The following CLASP1 variants were observed in gnomAD, a reference collection of about 807,000 sequenced individuals.
CLASP1 encodes CLIP-associating protein 1.
In CLASP1, 38 loss-of-function variants were observed where a neutral mutation model predicts 192.3. The observed-to-expected ratio is 0.20, with a 90% confidence interval of 0.15 to 0.26. CLASP1 has a LOEUF of 0.26. Ranked by LOEUF, CLASP1 falls within the 10% of genes least tolerant of loss-of-function variation. CLASP1 has a pLI of 1.00. For synonymous variants in CLASP1, 691 were observed against 712.8 expected (o/e 0.97, Z 0.49); for missense variants, 1,433 against 1,932.5 (o/e 0.74, Z 4.85).
chr2:121,594,357 T>A (rs1313145388), intron 2 of CLASP1, among the ~76,000 whole-genome samples: 28 of 151,696 alleles, frequency 1.8e-4, no homozygotes, highest in Admixed American at 1.8e-3. Context: ...ACAGGTGAAA[T>A]TTGAGTATGT....
At chr2:121,419,793 T>C (rs1390532670) in intron 22 of CLASP1, among the ~76,000 whole-genome samples, 1 of 152,158 alleles carries the variant, frequency 6.6e-6, no homozygotes, top group Non-Finnish European at 1.5e-5. Context: ...CCTAATGTAA[T>C]AGCTGATGGG....
Position 121,530,962 on chromosome 2 carries a change from G to T in CLASP1, c.196-637C>A, listed in dbSNP as rs187757075. 1.3e-5 allele frequency: 9 copies of T among 700,262 alleles called. No homozygotes were observed. The highest frequency in any genetic ancestry group is 5.2e-5 in the African/African-American group (3 of 57,174). The allele number at this position is 700,262 out of a possible 1,614,324, so 43.4% of individuals were successfully genotyped here. A position where few individuals can be genotyped will look rare whatever the true frequency, so the allele number is the denominator to read the frequency against. On this transcript the variant is annotated intron_variant, in intron 2 of 39. Coordinates refer to ENST00000263710, the Ensembl canonical transcript of CLASP1. ...CTGCTAACGCCTGAACAACACACCC[G>T]CATCAACTAGAGCTTTTGCTTTATT...
chr2:121,592,733 G>T (rs866911069), intron 2 of CLASP1, among the ~76,000 whole-genome samples: 1 of 152,018 alleles, frequency 6.6e-6, no homozygotes, highest in South Asian at 2.1e-4. Flanking sequence ...CTCACTGCAG[G>T]CTCTGCCCCC....
intron 19 of CLASP1, among the ~76,000 whole-genome samples, chr2:121,437,789 C>T (rs1312622364): frequency 1.3e-5 from 2 of 152,172 alleles, no homozygotes; most frequent in Non-Finnish European, 2.9e-5. Context: ...ATCAAATGCC[C>T]AAGGACCCCA....
intron 2 of CLASP1, chr2:121,532,440 C>T (rs1406095180): frequency 1.3e-5 from 2 of 152,180 alleles, no homozygotes; most frequent in Non-Finnish European, 2.9e-5. Context: ...CAACCTCAGC[C>T]AGATGGTGGA....
intron 2 of CLASP1, among the ~76,000 whole-genome samples, chr2:121,546,563 G>C (rs563738234): frequency 2.6e-4 from 40 of 152,002 alleles, no homozygotes; most frequent in African/African-American, 9.2e-4. Context: ...AGTGAATATG[G>C]GACCCCGGGA....
intron 1 of CLASP1, among the ~76,000 whole-genome samples, chr2:121,620,482 T>C (rs956188114): frequency 2.0e-5 from 3 of 152,128 alleles, no homozygotes; most frequent in Admixed American, 1.3e-4. Context: ...TCCAAGTAGC[T>C]GGGACTACAG....
At chr2:121,460,164 T>C in intron 11 of CLASP1, 39 bp from the exon 12 acceptor site, 1 of 1,540,130 alleles carries the variant, frequency 6.5e-7, no homozygotes, top group Non-Finnish European at 8.9e-7. Flanking sequence ...TAGAAAACAA[T>C]TCTAACACAG....
At position 121,643,771 on chromosome 2, in the gene CLASP1, T is replaced by C. The variant is rs369250142; in HGVS notation, c.-286+5601A>G. Among the ~76,000 whole-genome samples the C allele has an allele frequency of 1.8e-4, 28 of 152,302 alleles. No homozygotes were observed. In the East Asian group the frequency reaches 2.3e-3, roughly 13 times the overall value. ...TGAATCTTTTAGGAACATCTATTCATCTATTACTTGGGGAATTTTAAAATT... is the reference window on the plus strand; with the variant it reads ...TGAATCTTTTAGGAACATCTATTCACCTATTACTTGGGGAATTTTAAAATT... On this transcript the variant is annotated intron_variant, in intron 1 of 39. Coordinates refer to ENST00000263710, the Ensembl canonical transcript of CLASP1.
intron 37 of CLASP1, among the ~76,000 whole-genome samples, chr2:121,357,647 C>T (rs2065658803): frequency 6.6e-6 from 1 of 152,186 alleles, no homozygotes; most frequent in African/African-American, 2.4e-5. Context: ...GAACTACTCC[C>T]CTACCTATGA....
intron 8 of CLASP1, among the ~76,000 whole-genome samples, chr2:121,472,259 A>G (rs2090880200): frequency 2.0e-5 from 3 of 152,242 alleles, no homozygotes; most frequent in South Asian, 4.1e-4. Context: ...ACCAATTTCA[A>G]TGGAATTCCT....
In CLASP1 at chr2:121,401,620, T is replaced by C. The variant is rs774043184; in HGVS notation, c.2789A>G (p.Asp930Gly). 63 of 1,612,500 alleles carry C rather than the reference T, an allele frequency of 3.9e-5. No individual in the cohort carries two copies. The Middle Eastern group carries it at 4.9e-4, about 13-fold the overall frequency. Residue 930 changes from aspartate (D) to glycine (G), a missense_variant, in exon 28 of 40, where the codon GAT becomes GGT. Coordinates refer to ENST00000263710, the Ensembl canonical transcript of CLASP1. Reference sequence around the variant, plus strand: ...AACAAAAAGCCAGTCTTGTAAATCATCCTTATGAATTATTATAAAATCCAC... The same window carrying C: ...AACAAAAAGCCAGTCTTGTAAATCACCCTTATGAATTATTATAAAATCCAC...
chr2:121,493,341 C>T (rs1365938897), intron 8 of CLASP1, among the ~76,000 whole-genome samples: 1 of 152,138 alleles, frequency 6.6e-6, no homozygotes, highest in African/African-American at 2.4e-5. Flanking sequence ...AATAAATCCA[C>T]ACATCTACAG....
At chr2:121,529,605 G>T (rs1335171034) in intron 3 of CLASP1, among the ~76,000 whole-genome samples, 1 of 152,170 alleles carries the variant, frequency 6.6e-6, no homozygotes. Flanking sequence ...ATGAAACACC[G>T]GAGGTCAGGA....
chr2:121,633,304 T>C (rs2070158460), intron 1 of CLASP1, among the ~76,000 whole-genome samples: 2 of 152,280 alleles, frequency 1.3e-5, no homozygotes, highest in African/African-American at 4.8e-5. Flanking sequence ...ATCCCCCAGA[T>C]ACCTTCTTAA....
At chr2:121,450,811 C>T (rs1033465447) in intron 16 of CLASP1, 102 bp downstream of exon 16, 3 of 783,930 alleles carry the variant, frequency 3.8e-6, no homozygotes, top group Admixed American at 2.6e-5. Flanking sequence ...TCATGGTTAA[C>T]AAATATGTTC....
intron 32 of CLASP1, 49 bp from the exon 34 acceptor site, chr2:121,382,373 A>AG: frequency 8.6e-7 from 1 of 1,160,392 alleles, no homozygotes; most frequent in Non-Finnish European, 1.2e-6. Flanking sequence ...CAAAAAGCAA[A>AG]GGGGAGGGGA....
intron 22 of CLASP1, among the ~76,000 whole-genome samples, chr2:121,422,736 A>G (rs961478694): frequency 6.6e-6 from 1 of 152,124 alleles, no homozygotes; most frequent in African/African-American, 2.4e-5. Flanking sequence ...CAGTTTTAAA[A>G]CAAATGAAAA....
intron 2 of CLASP1, 36 bp from the exon 3 acceptor site, chr2:121,530,361 G>A: frequency 6.6e-7 from 1 of 1,513,866 alleles, no homozygotes; most frequent in Middle Eastern, 2.2e-4. Context: ...GTTAGCAGCC[G>A]GCCTGCGGGG....
Sources: allele counts gnomAD v4.1 joint callset (sites outside exome capture counted in the v4.1 genomes callset), GRCh38; gene constraint gnomAD v4.1.1; transcripts MANE v1.5; gene names NCBI Gene and HGNC (gene_info 2026-07-23, HGNC 2026-07-21).